Variants in MALRD1 observed in about 807,000 individuals in gnomAD.
MALRD1 encodes MAM and LDL-receptor class A domain-containing protein 1.
Under a neutral mutation model 242.1 loss-of-function variants are expected in MALRD1, and 247 were observed. That is an observed-to-expected ratio of 1.02 (90% CI 0.92 to 1.13). MALRD1 has a LOEUF of 1.13. Among genes scored for constraint, MALRD1 ranks in the 50% most tolerant of loss-of-function variants. The pLI is 0.00. For missense variants in MALRD1, 2,989 were observed against 2,533.1 expected, an observed-to-expected ratio of 1.18 and a Z score of -3.86; for synonymous variants, 995 against 866.6, an observed-to-expected ratio of 1.15 and a Z score of -2.60.
intron 2 of MALRD1, among the ~76,000 whole-genome samples, chr10:19,086,442 A>G (rs1223686665): frequency 1.3e-5 from 2 of 151,976 alleles, no homozygotes; most frequent in African/African-American, 2.4e-5. Context: ...ATATGCTAGA[A>G]CTCACAATAA....
At chr10:19,091,974 T>A (rs1335497673) in intron 4 of MALRD1, among the ~76,000 whole-genome samples, 1 of 57,850 alleles carries the variant, frequency 1.7e-5, no homozygotes, top group Non-Finnish European at 3.0e-5. Flanking sequence ...ATAATTTCTG[T>A]TCTTTTACAT....
At chr10:19,686,553 T>C (rs1048682211) in intron 36 of MALRD1, among the ~76,000 whole-genome samples, 1 of 152,154 alleles carries the variant, frequency 6.6e-6, no homozygotes, top group African/African-American at 2.4e-5. Flanking sequence ...CAGTTTCAGG[T>C]GTTTCTATCC....
chr10:19,729,710 G>C (rs1181466714), intron 38 of MALRD1, among the ~76,000 whole-genome samples: 1 of 121,144 alleles, frequency 8.3e-6, no homozygotes, highest in African/African-American at 3.1e-5. Flanking sequence ...CTTCTAATAA[G>C]TCTATTAATT....
At chr10:19,470,367 T>G (rs778037284) in intron 29 of MALRD1, among the ~76,000 whole-genome samples, 1 of 152,052 alleles carries the variant, frequency 6.6e-6, no homozygotes, top group Non-Finnish European at 1.5e-5. Context: ...TTAGGTTGTT[T>G]CCATATCTTG....
intron 38 of MALRD1, among the ~76,000 whole-genome samples, chr10:19,708,764 C>T (rs1424796043): frequency 8.1e-6 from 1 of 122,822 alleles, no homozygotes; most frequent in African/African-American, 2.6e-5. Context: ...CAGGTTCAAG[C>T]GATTCTCCTG....
intron 12 of MALRD1, among the ~76,000 whole-genome samples, chr10:19,158,577 G>A (rs1481689476): frequency 6.6e-6 from 1 of 152,170 alleles, no homozygotes; most frequent in Non-Finnish European, 1.5e-5. Context: ...TAGTTCTTCT[G>A]AGACTTCTCC....
chr10:19,287,975 G>A (rs923789893), intron 21 of MALRD1, among the ~76,000 whole-genome samples: 1 of 152,014 alleles, frequency 6.6e-6, no homozygotes, highest in African/African-American at 2.4e-5. Context: ...TACTGACTCA[G>A]ATGAATTTAT....
chr10:19,694,122 C>T lies in MALRD1; in HGVS notation c.6314+1568C>T, dbSNP rs1366800618. Among the ~76,000 whole-genome samples the T allele has an allele frequency of 1.6e-3, 237 of 152,188 alleles. 1 individual carries two copies. The highest frequency in any genetic ancestry group is 5.2e-3 in the African/African-American group (216 of 41,498). ...ATGTTAGACCTAAAACCATAAAAACCCTAGAAGAAAACCTAGGCAATACCA... is the reference window on the plus strand; with the variant it reads ...ATGTTAGACCTAAAACCATAAAAACTCTAGAAGAAAACCTAGGCAATACCA... On this transcript the variant is annotated intron_variant, in intron 38 of 39. Transcript: ENST00000454679.
At chr10:19,439,369 C>A (rs996974662) in intron 28 of MALRD1, among the ~76,000 whole-genome samples, 1 of 151,832 alleles carries the variant, frequency 6.6e-6, no homozygotes, top group African/African-American at 2.4e-5. Context: ...GGTCTCTGCA[C>A]AAAAATAAAT....
At chr10:19,356,885 G>C (rs1424940225) in intron 26 of MALRD1, among the ~76,000 whole-genome samples, 1 of 152,106 alleles carries the variant, frequency 6.6e-6, no homozygotes, top group African/African-American at 2.4e-5. Flanking sequence ...GAGGTGGGCA[G>C]ATCATCTGAG....
intron 21 of MALRD1, among the ~76,000 whole-genome samples, chr10:19,319,992 A>C (rs1393312598): frequency 6.6e-6 from 1 of 150,604 alleles, no homozygotes; most frequent in Non-Finnish European, 1.5e-5. Context: ...TTTTGTAGCC[A>C]CATATGAAAT....
intron 18 of MALRD1, among the ~76,000 whole-genome samples, chr10:19,239,833 T>C (rs1249840064): frequency 3.3e-5 from 5 of 152,158 alleles, no homozygotes; most frequent in Non-Finnish European, 7.4e-5. Context: ...ATTTCTGAGC[T>C]GTATATTCTG....
In MALRD1 at chr10:19,460,365, CAA is replaced by C. The variant is rs755338154; in HGVS notation, c.5029+9877_5029+9878del. Among the ~76,000 whole-genome samples the C allele has an allele frequency of 7.9e-5, 12 of 151,892 alleles. No individual in the cohort carries two copies. The East Asian group carries it at 1.7e-3, about 22-fold the overall frequency. On this transcript the variant is annotated intron_variant, in intron 29 of 39. Transcript: ENST00000454679. ...AAATCTACAGATATTTATACATGCA[CAA>C]ATATTAAGCCAGGACTAGAAACCAA... is the stretch of plus-strand genomic sequence containing the variant.
chr10:19,275,659 ACT>A (rs990422249), intron 19 of MALRD1, among the ~76,000 whole-genome samples: 9 of 152,094 alleles, frequency 5.9e-5, no homozygotes, highest in East Asian at 5.8e-4. Flanking sequence ...ACAGAGCGAG[ACT>A]CTGTCTCAAA....
chr10:19,284,392 C>A, intron 21 of MALRD1, among the ~76,000 whole-genome samples: 1 of 110,690 alleles, frequency 9.0e-6, no homozygotes, highest in Non-Finnish European at 1.8e-5. Flanking sequence ...CCAATGCTAT[C>A]CCTCCCCCCT....
intron 36 of MALRD1, among the ~76,000 whole-genome samples, chr10:19,657,301 A>G (rs1841201997): frequency 6.6e-6 from 1 of 152,050 alleles, no homozygotes; most frequent in Non-Finnish European, 1.5e-5. Flanking sequence ...CCCCTTTCCC[A>G]CATCCTAACT....
intron 1 of MALRD1, among the ~76,000 whole-genome samples, chr10:19,064,348 G>C (rs1428780459): frequency 1.3e-5 from 2 of 152,152 alleles, no homozygotes; most frequent in African/African-American, 4.8e-5. Flanking sequence ...CTTGAATGTG[G>C]ATGTGTGGCA....
At chr10:19,574,965 C>A (rs574439959) in intron 33 of MALRD1, among the ~76,000 whole-genome samples, 1 of 152,170 alleles carries the variant, frequency 6.6e-6, no homozygotes, top group Non-Finnish European at 1.5e-5. Flanking sequence ...TCAGTCAATA[C>A]TTGTTGAAAA....
chr10:19,637,340 CTT>C (rs1238577818), intron 36 of MALRD1, among the ~76,000 whole-genome samples: 1 of 151,966 alleles, frequency 6.6e-6, no homozygotes, highest in Non-Finnish European at 1.5e-5. Context: ...TTTGATAAGA[CTT>C]GAGATAATGA....
Sources: allele counts gnomAD v4.1 joint callset (sites outside exome capture counted in the v4.1 genomes callset), GRCh38; gene constraint gnomAD v4.1.1; transcripts MANE v1.5; gene names NCBI Gene and HGNC (gene_info 2026-07-23, HGNC 2026-07-21).